NLGN4Y: variants seen among roughly 807,000 people sequenced by gnomAD.
NLGN4Y encodes the protein neuroligin 4 Y-linked, also known as neuroligin-4, Y-linked.
Under a neutral mutation model 8.4 loss-of-function variants are expected in NLGN4Y, and 4 were observed. The observed-to-expected ratio is 0.48, with a 90% CI of 0.23 to 1.09. NLGN4Y has a LOEUF of 1.09. Ranked by LOEUF, NLGN4Y falls within the 50% of genes least tolerant of loss-of-function variation. NLGN4Y has a pLI of 0.19. For synonymous variants in NLGN4Y, 35 were observed against 75.6 expected (o/e 0.46, Z 2.78); for missense variants, 90 against 192.3 (o/e 0.47, Z 3.15).
At chrY:14,748,954 A>G in intron 4 of NLGN4Y, among the ~76,000 whole-genome samples, 1 of 28,510 alleles carries the variant, frequency 3.5e-5, no homozygotes, top group South Asian at 8.5e-4. Flanking sequence ...GAAAAAGAAA[A>G]GAAACATTTT....
chrY:14,583,480 A>AT (rs2080326816), intron 1 of NLGN4Y, among the ~76,000 whole-genome samples: 1 of 33,329 alleles, frequency 3.0e-5, no homozygotes, highest in Admixed American at 2.7e-4. Flanking sequence ...CTTTCTTCTT[A>AT]TTTTTTCCTG....
intron 1 of NLGN4Y, among the ~76,000 whole-genome samples, chrY:14,587,909 T>A: frequency 3.0e-5 from 1 of 33,446 alleles, no homozygotes; most frequent in East Asian, 7.9e-4. Flanking sequence ...CTATTGCAAA[T>A]TCCCTTCTGC....
chrY:14,524,243 G>T, upstream of NLGN4Y: 1 of 72,418 alleles, frequency 1.4e-5, no homozygotes. Context: ...CCCATCGGGG[G>T]TTCGGAGGAG....
chrY:14,736,695 A>T (rs752148533), intron 4 of NLGN4Y, among the ~76,000 whole-genome samples: 2 of 31,975 alleles, frequency 6.3e-5, no homozygotes, highest in Non-Finnish European at 1.5e-4. Flanking sequence ...AGTTTTCATG[A>T]GATCTGATGG....
chrY:14,698,382 AGTT>A (rs2150542155), intron 2 of NLGN4Y, among the ~76,000 whole-genome samples: 1 of 33,152 alleles, frequency 3.0e-5, no homozygotes, highest in Admixed American at 2.7e-4. Flanking sequence ...GTGTACATAG[AGTT>A]GTTGTATTTA....
chrY:14,827,254 T>G, intron 5 of NLGN4Y, among the ~76,000 whole-genome samples: 1 of 34,027 alleles, frequency 2.9e-5, no homozygotes, highest in Non-Finnish European at 7.3e-5. Context: ...ATGGCATTTT[T>G]GAAAATACAT....
intron 4 of NLGN4Y, among the ~76,000 whole-genome samples, chrY:14,790,897 T>C (rs2042983296): frequency 3.0e-5 from 1 of 33,828 alleles, no homozygotes; most frequent in African/African-American, 1.2e-4. Flanking sequence ...TAATGTACAC[T>C]CTTAACTACA....
intron 2 of NLGN4Y, among the ~76,000 whole-genome samples, chrY:14,644,712 C>T (rs2080603642): frequency 3.0e-5 from 1 of 33,049 alleles, no homozygotes; most frequent in South Asian, 6.8e-4. Context: ...AACCCATAGA[C>T]CAAATCATTC....
intron 6 of NLGN4Y, among the ~76,000 whole-genome samples, chrY:14,834,863 A>G: frequency 2.9e-5 from 1 of 34,188 alleles, no homozygotes; most frequent in Non-Finnish European, 7.3e-5. Context: ...TACAGAGCAC[A>G]CACTCAGACA....
intron 4 of NLGN4Y, among the ~76,000 whole-genome samples, chrY:14,816,358 C>T (rs2043102383): frequency 3.0e-5 from 1 of 33,690 alleles, no homozygotes; most frequent in Non-Finnish European, 7.4e-5. Flanking sequence ...ACAGTTTCTA[C>T]CTTTTCTCCT....
At chrY:14,742,756 C>A (rs2081010470) in intron 4 of NLGN4Y, among the ~76,000 whole-genome samples, 1 of 32,295 alleles carries the variant, frequency 3.1e-5, no homozygotes, top group Non-Finnish European at 7.6e-5. Flanking sequence ...GGGAAAATAT[C>A]TGTATATATC....
intron 2 of NLGN4Y, among the ~76,000 whole-genome samples, chrY:14,715,912 C>G: frequency 3.1e-5 from 1 of 32,519 alleles, no homozygotes; most frequent in African/African-American, 1.2e-4. Context: ...GTTTAGAACC[C>G]CTGCACAGTC....
chrY:14,765,012 A>G (rs2081089692), intron 4 of NLGN4Y, among the ~76,000 whole-genome samples: 1 of 34,067 alleles, frequency 2.9e-5, no homozygotes, highest in Non-Finnish European at 7.3e-5. Context: ...TTATTCTTCT[A>G]ACAAACAAAT....
At chrY:14,607,338 T>C (rs2080450341) in intron 1 of NLGN4Y, among the ~76,000 whole-genome samples, 3 of 32,711 alleles carry the variant, frequency 9.2e-5, no homozygotes, top group Admixed American at 8.4e-4. Context: ...CTTTAAAACC[T>C]TTAAGCATTT....
At chrY:14,736,153 TA>T (rs2080990746) in intron 4 of NLGN4Y, among the ~76,000 whole-genome samples, 1 of 33,244 alleles carries the variant, frequency 3.0e-5, no homozygotes, top group Non-Finnish European at 7.4e-5. Flanking sequence ...TGGAGCTTCC[TA>T]AAGCCATGGG....
At chrY:14,612,816 A>G in intron 1 of NLGN4Y, among the ~76,000 whole-genome samples, 2 of 33,668 alleles carry the variant, frequency 5.9e-5, no homozygotes, top group Admixed American at 2.7e-4. Flanking sequence ...GTAGAGCACA[A>G]GTTCTGTGCT....
At chrY:14,748,416 A>G in intron 4 of NLGN4Y, among the ~76,000 whole-genome samples, 1 of 33,295 alleles carries the variant, frequency 3.0e-5, no homozygotes, top group Non-Finnish European at 7.4e-5. Flanking sequence ...TTATCAGTCC[A>G]CAATAGATGT....
At chrY:14,782,985 A>G in intron 4 of NLGN4Y, among the ~76,000 whole-genome samples, 1 of 33,854 alleles carries the variant, frequency 3.0e-5, no homozygotes, top group Non-Finnish European at 7.3e-5. Flanking sequence ...TTTTCTCACT[A>G]TTGGTGAGAG....
chrY:14,584,357 G>A, intron 1 of NLGN4Y, among the ~76,000 whole-genome samples: 1 of 32,730 alleles, frequency 3.1e-5, no homozygotes, highest in African/African-American at 1.2e-4. Flanking sequence ...GGAACTCCTA[G>A]GCTCCACTCC....
Sources: allele counts gnomAD v4.1 joint callset (sites outside exome capture counted in the v4.1 genomes callset), GRCh38; gene constraint gnomAD v4.1.1; transcripts MANE v1.5; gene names NCBI Gene and HGNC (gene_info 2026-07-23, HGNC 2026-07-21).